Variants in TCF7L1 observed in about 807,000 individuals in gnomAD.
The protein encoded by TCF7L1 is transcription factor 7 like 1, also known as transcription factor 7-like 1.
In TCF7L1, 18 loss-of-function variants were observed where a neutral mutation model predicts 63.7. The ratio of observed to expected loss-of-function variants is 0.28; its 90% CI spans 0.20 to 0.42. The LOEUF is 0.42. Ranked by LOEUF, TCF7L1 falls within the 10% of genes least tolerant of loss-of-function variation. TCF7L1 has a pLI of 1.00. For synonymous variants in TCF7L1, 355 were observed against 340.9 expected (o/e 1.04, Z -0.46); for missense variants, 654 against 779.3 (o/e 0.84, Z 1.91).
At chr2:85,251,876 C>A (rs1680595785) in intron 3 of TCF7L1, among the ~76,000 whole-genome samples, 1 of 152,150 alleles carries the variant, frequency 6.6e-6, no homozygotes, top group Non-Finnish European at 1.5e-5. Flanking sequence ...GAGTCTGAGA[C>A]CAGCCTGGGT....
At chr2:85,166,164 T>C (rs1334863122) in intron 3 of TCF7L1, among the ~76,000 whole-genome samples, 1 of 152,180 alleles carries the variant, frequency 6.6e-6, no homozygotes, top group Admixed American at 6.5e-5. Context: ...TGGTCAGCCT[T>C]GGGGCTGGAG....
At chr2:85,252,436 G>T in intron 3 of TCF7L1, among the ~76,000 whole-genome samples, 1 of 152,148 alleles carries the variant, frequency 6.6e-6, no homozygotes, top group East Asian at 1.9e-4. Flanking sequence ...ATGAGCATTT[G>T]CTATCACTCT....
At position 85,309,623 on chromosome 2, in the gene TCF7L1, T is replaced by A; in HGVS notation, c.*161T>A. On this transcript the variant is annotated 3_prime_UTR_variant, in exon 12 of 12. Transcript: ENST00000282111. ...CTTTACAGTTTGTAGATGTAACCAG[T>A]AGCTGATCTTAAGGCTTTTTTAAAA... 1 of 574,634 alleles carries A rather than the reference T, an allele frequency of 1.7e-6. No individual in the cohort carries two copies. The highest frequency in any genetic ancestry group is 2.7e-6 in the Non-Finnish European group (1 of 364,436). 35.6% of individuals were successfully genotyped at this position (574,634 alleles called of 1,614,324 possible).
chr2:85,296,667 G>C (rs1288243940), intron 4 of TCF7L1, among the ~76,000 whole-genome samples: 3 of 152,152 alleles, frequency 2.0e-5, no homozygotes, highest in African/African-American at 7.2e-5. Context: ...CGTTCCTTCT[G>C]TTCATTTCTG....
At chr2:85,192,848 T>A (rs1029963296) in intron 3 of TCF7L1, among the ~76,000 whole-genome samples, 17 of 152,090 alleles carry the variant, frequency 1.1e-4, no homozygotes, top group Middle Eastern at 3.4e-3. Flanking sequence ...TAATTTTTTT[T>A]AAATTTTTTG....
At chr2:85,248,188 A>G (rs1249909541) in intron 3 of TCF7L1, among the ~76,000 whole-genome samples, 1 of 152,172 alleles carries the variant, frequency 6.6e-6, no homozygotes, top group Non-Finnish European at 1.5e-5. Flanking sequence ...GCCCCCCTGC[A>G]ATATGAAAGG....
intron 3 of TCF7L1, among the ~76,000 whole-genome samples, chr2:85,226,120 T>C (rs1272421340): frequency 6.6e-6 from 1 of 152,242 alleles, no homozygotes; most frequent in Non-Finnish European, 1.5e-5. Flanking sequence ...CATCCAGGGA[T>C]GAAGCCAACT....
intron 3 of TCF7L1, among the ~76,000 whole-genome samples, chr2:85,270,069 G>T (rs996550187): frequency 6.6e-6 from 1 of 152,206 alleles, no homozygotes; most frequent in Non-Finnish European, 1.5e-5. Flanking sequence ...TGCAGGAGCC[G>T]CGGGGAAGGG....
chr2:85,159,847 G>T (rs758559053), intron 3 of TCF7L1, among the ~76,000 whole-genome samples: 1 of 152,122 alleles, frequency 6.6e-6, no homozygotes, highest in Non-Finnish European at 1.5e-5. Context: ...TGGCTTTCTC[G>T]TGTGCCAGGG....
At chr2:85,155,479 G>A (rs1481911293) in intron 3 of TCF7L1, among the ~76,000 whole-genome samples, 7 of 152,160 alleles carry the variant, frequency 4.6e-5, no homozygotes, top group African/African-American at 1.7e-4. Flanking sequence ...TGAAGTCAGC[G>A]AGACCATGAA....
At chr2:85,200,996 T>C (rs371554150) in intron 3 of TCF7L1, among the ~76,000 whole-genome samples, 8 of 151,436 alleles carry the variant, frequency 5.3e-5, no homozygotes, top group South Asian at 2.1e-4. Flanking sequence ...AGGTCGGGAG[T>C]TCAAGTCTAG....
intron 3 of TCF7L1, among the ~76,000 whole-genome samples, chr2:85,250,179 C>T (rs1399862888): frequency 6.6e-6 from 1 of 152,162 alleles, no homozygotes; most frequent in Non-Finnish European, 1.5e-5. Context: ...TGCCAATTTC[C>T]ATGATGTAAA....
chr2:85,238,232 C>A (rs951552881), intron 3 of TCF7L1, among the ~76,000 whole-genome samples: 2 of 152,170 alleles, frequency 1.3e-5, no homozygotes. Flanking sequence ...CTCCAGGCTT[C>A]GGCACTTTGT....
chr2:85,251,142 GT>G (rs1368414679), intron 3 of TCF7L1, among the ~76,000 whole-genome samples: 1 of 152,114 alleles, frequency 6.6e-6, no homozygotes, highest in Non-Finnish European at 1.5e-5. Flanking sequence ...GGTTTGTGTG[GT>G]TTGTTTACTT....
At chr2:85,243,434 C>G (rs1370363559) in intron 3 of TCF7L1, among the ~76,000 whole-genome samples, 1 of 152,142 alleles carries the variant, frequency 6.6e-6, no homozygotes, top group Non-Finnish European at 1.5e-5. Context: ...CCTTGTGTGA[C>G]ATAATGGCCC....
chr2:85,251,354 C>A (rs1680583197), intron 3 of TCF7L1, among the ~76,000 whole-genome samples: 1 of 152,194 alleles, frequency 6.6e-6, no homozygotes, highest in Non-Finnish European at 1.5e-5. Flanking sequence ...TTTCTATGCA[C>A]ACAAAGAGAA....
chr2:85,235,001 G>T (rs1371553629), intron 3 of TCF7L1, among the ~76,000 whole-genome samples: 1 of 152,150 alleles, frequency 6.6e-6, no homozygotes, highest in African/African-American at 2.4e-5. Flanking sequence ...ACCCTGCCCT[G>T]TCTAGCGCAC....
Position 85,203,135 on chromosome 2 carries a change from A to C in TCF7L1, c.441+68685A>C, listed in dbSNP as rs535397590. Among the ~76,000 whole-genome samples, 6 of 152,166 alleles carry C rather than the reference A, an allele frequency of 3.9e-5. No homozygotes were observed. The South Asian group carries it at 1.3e-3, about 32-fold the overall frequency. On this transcript the variant is annotated intron_variant, in intron 3 of 11. Transcript: ENST00000282111. ...CAGGCATGAGCCACCGCGCCCGCCC[A>C]GTACCTCCTAACTCTTATGAAAGGT...
At chr2:85,280,129 G>A (rs1366627305) in intron 3 of TCF7L1, among the ~76,000 whole-genome samples, 1 of 152,106 alleles carries the variant, frequency 6.6e-6, no homozygotes, top group African/African-American at 2.4e-5. Flanking sequence ...CCAGCTCCTT[G>A]GCCACTAGAG....
Sources: allele counts gnomAD v4.1 joint callset (sites outside exome capture counted in the v4.1 genomes callset), GRCh38; gene constraint gnomAD v4.1.1; transcripts MANE v1.5; gene names NCBI Gene and HGNC (gene_info 2026-07-23, HGNC 2026-07-21).